The following RGS11 variants were observed in gnomAD, a reference collection of about 807,000 sequenced individuals.
RGS11 encodes regulator of G-protein signaling 11.
Under a neutral mutation model 71.1 loss-of-function variants are expected in RGS11, and 86 were observed. That is an observed-to-expected ratio of 1.21 (90% CI 1.02 to 1.45). RGS11 has a LOEUF of 1.45. Ranked by LOEUF, RGS11 falls within the 40% of genes most tolerant of loss-of-function variation. RGS11 has a pLI of 0.00. For missense variants in RGS11, 734 were observed against 635.1 expected (o/e 1.16, Z -1.67); for synonymous variants, 298 against 254.2 (o/e 1.17, Z -1.64).
In RGS11 at chr16:271,959, C is replaced by T. The variant is rs549745983; in HGVS notation, c.658-390G>A. On this transcript the variant is annotated intron_variant, in intron 9 of 16. Coordinates refer to ENST00000397770, the MANE Select transcript of RGS11 (RefSeq NM_183337.3). ...TCAAGCTATTCTCCTGCCTCAGCCT[C>T]TCCAGTAGCTGGGACTACAGGCATG... is the stretch of plus-strand genomic sequence containing the variant. 7.0e-4 allele frequency: 211 copies of T among 300,376 alleles called. 4 individuals carry two copies. Among genetic ancestry groups the T allele is most frequent in the South Asian group, 7.0e-3 (191 of 27,420 alleles). The allele number at this position is 300,376 out of a possible 1,614,324, so 18.6% of individuals were successfully genotyped here.
intron 4 of RGS11, 48 bp downstream of exon 4, chr16:274,928 G>A: frequency 1.9e-6 from 3 of 1,539,712 alleles, no homozygotes; most frequent in Non-Finnish European, 2.6e-6. Flanking sequence ...AGCTGGGTGG[G>A]TGGGGGTGGG....
intron 4 of RGS11, chr16:274,626 G>A (rs1175529708): frequency 1.6e-6 from 1 of 628,252 alleles, no homozygotes; most frequent in Non-Finnish European, 3.0e-6. Context: ...TGTGGTTAGG[G>A]AGGGCAGGAA....
rs116186505 is a variant in RGS11, at chr16:271,602, C to G, written c.658-33G>C. Reference sequence around the variant, plus strand: ...GGGATAGGTGGGCTGCAGTTAGATGCAGGTCCCCTGCTGGGGTCCAAAATC... The same window carrying G: ...GGGATAGGTGGGCTGCAGTTAGATGGAGGTCCCCTGCTGGGGTCCAAAATC... On this transcript the variant is annotated intron_variant, in intron 9 of 16. Transcript: ENST00000397770. 9,300 of 1,609,074 alleles carry G rather than the reference C, an allele frequency of 5.8e-3. 90 individuals are homozygous for G. The highest frequency in any genetic ancestry group is 0.046 in the African/African-American group (3,430 of 74,944).
rs901981997 is a variant in RGS11 at position 268,534 on chromosome 16, G to T, written c.*735C>A. 1 of 578,492 alleles carries T rather than the reference G, an allele frequency of 1.7e-6. No individual in the cohort carries two copies. Among genetic ancestry groups the T allele is most frequent in the African/African-American group, 1.9e-5 (1 of 53,402 alleles). The allele number at this position is 578,492 out of a possible 1,614,324, so 35.8% of individuals were successfully genotyped here. On this transcript the variant is annotated 3_prime_UTR_variant, in exon 17 of 17. Coordinates refer to ENST00000397770, the MANE Select transcript of RGS11 (RefSeq NM_183337.3). The stretch of plus-strand genomic sequence containing the variant: ...AGCTCACGAAGGAAGACTTGGGCAG[G>T]GAGGATCAGGGACGCCTGGCAAGGA...
Position 269,248 on chromosome 16 carries a change from G to C in RGS11, c.*21C>G. The C allele has an allele frequency of 1.3e-6, 2 of 1,484,320 alleles. No homozygotes were observed. Among genetic ancestry groups the C allele is most frequent in the Non-Finnish European group, 1.8e-6 (2 of 1,085,466 alleles). 91.9% of individuals were successfully genotyped at this position (1,484,320 alleles called of 1,614,324 possible). A position where few individuals can be genotyped will look rare whatever the true frequency, so the allele number is the denominator to read the frequency against. Reference sequence around the variant, plus strand: ...AGGACGTTGAGCTGCAGGGACTAGAGTGGCAGATGGGCCAGGTCCACTAGG... The same window carrying C: ...AGGACGTTGAGCTGCAGGGACTAGACTGGCAGATGGGCCAGGTCCACTAGG... On this transcript the variant is annotated 3_prime_UTR_variant, in exon 17 of 17. Transcript: ENST00000397770.
At chr16:274,850 G>A (rs889462440) in intron 4 of RGS11, 126 bp downstream of exon 4, 5 of 1,323,994 alleles carry the variant, frequency 3.8e-6, no homozygotes, top group African/African-American at 2.9e-5. Flanking sequence ...ACCAGCCCAC[G>A]GCGACATGGC....
Position 272,895 on chromosome 16 carries a change from G to T in RGS11, c.625C>A (p.Arg209=). 2 of 1,531,922 alleles carry T rather than the reference G, an allele frequency of 1.3e-6. No homozygotes were observed. Among genetic ancestry groups the T allele is most frequent in the East Asian group, 2.5e-5 (1 of 40,584 alleles). 94.9% of individuals were successfully genotyped at this position (1,531,922 alleles called of 1,614,324 possible). The change falls in exon 9 of 17, where the codon CGG becomes AGG. Residue 209 remains arginine (R), a synonymous_variant. Coordinates refer to ENST00000397770, the MANE Select transcript of RGS11 (RefSeq NM_183337.3). The part of the protein sequence containing the change: ...APDVLEQGPG[R]GSCAASRVLM... ...ACACGGCTGGCAGCGCAGGATCCCC[G>T]CCCTGGACCCTGCTCCAGCACATCG... is the stretch of plus-strand genomic sequence containing the variant.
chr16:273,220 C>T (rs1170122241), intron 8 of RGS11, among the ~76,000 whole-genome samples: 1 of 152,180 alleles, frequency 6.6e-6, no homozygotes. Flanking sequence ...GCAGTCCCCG[C>T]AATCTGGCAT....
At position 269,332 on chromosome 16, in the gene RGS11, G is replaced by A. The variant is rs1300215196; in HGVS notation, c.1341C>T (p.Leu447=). 6.2e-7 allele frequency: 1 copy of A among 1,602,976 alleles called. No individual in the cohort carries two copies. The highest frequency in any genetic ancestry group is 1.1e-5 in the South Asian group (1 of 89,186). ...CTGTGGGCTCCACAGGGGTGGGAAG[G>A]AGTGCAGGGCTGGGGCTCGAGTGCC... is the stretch of plus-strand genomic sequence containing the variant. ...RPRHSSPSPA[L]LPTPVEPTAA... Residue 447 remains leucine (L), a synonymous_variant, in exon 17 of 17, where the codon CTC becomes CTT. Transcript: ENST00000397770.
At chr16:273,939 G>A in intron 6 of RGS11, 103 bp from the exon 7 acceptor site, 1 of 1,466,162 alleles carries the variant, frequency 6.8e-7, no homozygotes, top group East Asian at 2.3e-5. Context: ...TTGGGGCCTG[G>A]GCTGTATGTT....
chr16:269,288 C>A lies in RGS11; in HGVS notation c.1385G>T (p.Gly462Val), dbSNP rs765758290. 1.3e-6 allele frequency: 2 copies of A among 1,577,110 alleles called. No homozygotes were observed. Among genetic ancestry groups the A allele is most frequent in the African/African-American group, 1.3e-5 (1 of 74,616 alleles). The stretch of plus-strand genomic sequence containing the variant: ...GGTCCACTAGGCCACCCCATCTCCA[C>A]CCCCAGGGCCACAAGCCGCTGTGGG... The part of the protein sequence containing the change: ...VEPTAACGPG[G>V]GDGVA Residue 462 changes from glycine to valine, a missense_variant, in exon 17 of 17, where the codon GGT (glycine) becomes GTT (valine). By Grantham distance (109) the Gly-to-Val change is moderately radical. Coordinates refer to ENST00000397770, the MANE Select transcript of RGS11 (RefSeq NM_183337.3).
At chr16:271,703 T>G (rs989922935) in intron 9 of RGS11, 134 bp from the exon 10 acceptor site, 15 of 813,988 alleles carry the variant, frequency 1.8e-5, no homozygotes, top group Non-Finnish European at 3.0e-5. Flanking sequence ...AGGCCCCCAG[T>G]CCCGCCCCTT....
Position 269,047 on chromosome 16 carries a change from C to G in RGS11, c.*222G>C. Reference sequence around the variant, plus strand: ...TGACCCAAGCTGAGCCAATGAACCCCCTCCCTGGGAATCCACACCTGGACC... The same window carrying G: ...TGACCCAAGCTGAGCCAATGAACCCGCTCCCTGGGAATCCACACCTGGACC... On this transcript the variant is annotated 3_prime_UTR_variant, in exon 17 of 17. Transcript: ENST00000397770. 8.7e-7 allele frequency: 1 copy of G among 1,149,062 alleles called. No individual in the cohort carries two copies. The highest frequency in any genetic ancestry group is 2.6e-5 in the East Asian group (1 of 39,118). 71.2% of individuals were successfully genotyped at this position (1,149,062 alleles called of 1,614,324 possible). A position where few individuals can be genotyped will look rare whatever the true frequency, so the allele number is the denominator to read the frequency against.
In RGS11 at chr16:269,530, G is replaced by GC; in HGVS notation, c.1261dup (p.Ala421GlyfsTer57). 1.2e-6 allele frequency: 2 copies of GC among 1,613,398 alleles called. No homozygotes were observed. Among genetic ancestry groups the GC allele is most frequent in the Middle Eastern group, 3.3e-4 (2 of 6,062 alleles). On this transcript the variant is annotated frameshift_variant, in exon 16 of 17. Transcript: ENST00000397770. LOFTEE classifies it low-confidence loss of function (END_TRUNC). ...TCTCTTCATCTCCAGCGGGATCCCA[G>GC]CCTCTGCCAGGAGGGCCTTGTACAT...
In RGS11 at chr16:268,620, G is replaced by A. The variant is rs185808733; in HGVS notation, c.*649C>T. On this transcript the variant is annotated 3_prime_UTR_variant, in exon 17 of 17. Transcript: ENST00000397770. ...ACAATGTCAGAGTTGTCTATAAATC[G>A]GGGGGGAGGCCGCGGCCTCGAGGTG... 195 of 673,974 alleles carry A rather than the reference G, an allele frequency of 2.9e-4. No individual in the cohort carries two copies. The African/African-American group carries it at 3.0e-3, about 10-fold the overall frequency. 41.7% of individuals were successfully genotyped at this position (673,974 alleles called of 1,614,324 possible).
At chr16:275,721 C>T (rs2052150400) in intron 1 of RGS11, 128 bp downstream of exon 1, 8 of 414,378 alleles carry the variant, frequency 1.9e-5, no homozygotes, top group Non-Finnish European at 3.1e-5. Context: ...CCGCCCCTCC[C>T]GGCCTCGCAG....
intron 9 of RGS11, chr16:272,466 C>T (rs1431476001): frequency 7.5e-7 from 1 of 1,330,234 alleles, no homozygotes; most frequent in Admixed American, 2.2e-5. Context: ...TCCCTCTGGT[C>T]TGGTCCCTCT....
chr16:272,917 A>G lies in RGS11; in HGVS notation c.603T>C (p.Asp201=), dbSNP rs2052001551. Residue 201 remains aspartate, a synonymous_variant, in exon 9 of 17, where the codon GAT becomes GAC. Transcript: ENST00000397770. ...LVNRPPPGAP[D]VLEQGPGRGS... is the part of the protein sequence containing the mutation. Reference sequence around the variant, plus strand: ...CCCGCCCTGGACCCTGCTCCAGCACATCGGGGGCCCCGGGCTGCGGAGGGG... The same window carrying G: ...CCCGCCCTGGACCCTGCTCCAGCACGTCGGGGGCCCCGGGCTGCGGAGGGG... 2 of 1,520,350 alleles carry G rather than the reference A, an allele frequency of 1.3e-6. No individual in the cohort carries two copies. The highest frequency in any genetic ancestry group is 2.1e-5 in the Admixed American group (1 of 48,558). The allele number at this position is 1,520,350 out of a possible 1,614,324, so 94.2% of individuals were successfully genotyped here.
Position 275,341 on chromosome 16 carries a change from G to A in RGS11, c.161-8C>T. On this transcript the variant is annotated splice_region_variant and splice_polypyrimidine_tract_variant and intron_variant, in intron 2 of 16. Transcript: ENST00000397770. ...ACTGCACGACGTCGCTGCCTGCACG[G>A]GAGAGACAGAGGTGGAGGGAGGCCG... 5 of 1,612,286 alleles carry A rather than the reference G, an allele frequency of 3.1e-6. No homozygotes were observed. Among genetic ancestry groups the A allele is most frequent in the Non-Finnish European group, 4.2e-6 (5 of 1,179,844 alleles).
Sources: gnomAD v4.1 joint callset for allele counts (sites outside exome capture counted in the v4.1 genomes callset) on GRCh38, gnomAD v4.1.1 for gene constraint, MANE v1.5 for transcripts, NCBI Gene and HGNC (gene_info 2026-07-23, HGNC 2026-07-21) for gene names.